The following PGM2L1 variants were observed in gnomAD, a reference collection of about 807,000 sequenced individuals.
PGM2L1 encodes the protein glucose 1,6-bisphosphate synthase.
A neutral mutation model predicts 73.4 loss-of-function variants in PGM2L1; 35 were observed. That is an observed-to-expected ratio of 0.48 (90% CI 0.36 to 0.63). The LOEUF is 0.63. Ranked by LOEUF, PGM2L1 falls within the 30% of genes least tolerant of loss-of-function variation. PGM2L1 has a pLI of 0.00. For synonymous variants in PGM2L1, 225 were observed against 253.8 expected (o/e 0.89, Z 1.08); for missense variants, 570 against 742.0 (o/e 0.77, Z 2.69).
In PGM2L1 at chr11:74,336,459, C is replaced by A. The variant is rs1591161705; in HGVS notation, c.*193G>T. 1 of 376,174 alleles carries A rather than the reference C, an allele frequency of 2.7e-6. No individual in the cohort carries two copies. Among genetic ancestry groups the A allele is most frequent in the Admixed American group, 4.2e-5 (1 of 23,572 alleles). 23.3% of individuals were successfully genotyped at this position (376,174 alleles called of 1,614,324 possible). A position where few individuals can be genotyped will look rare whatever the true frequency, so the allele number is the denominator to read the frequency against. On this transcript the variant is annotated 3_prime_UTR_variant, in exon 14 of 14. Coordinates refer to ENST00000298198, the MANE Select transcript of PGM2L1 (RefSeq NM_173582.6). ...ATTATGAAAAAATTTGAATCATTTC[C>A]CTCTAGACCATTTCATTTCAAACTT...
Position 74,346,767 on chromosome 11 carries a change from A to C in PGM2L1, c.1002T>G (p.Asp334Glu), listed in dbSNP as rs772571971. The C allele has an allele frequency of 7.8e-5, 126 of 1,614,026 alleles. No individual in the cohort carries two copies. The highest frequency in any genetic ancestry group is 9.7e-5 in the Non-Finnish European group (114 of 1,179,986). Residue 334 changes from aspartate (D) to glutamate (E), a missense_variant, in exon 8 of 14, where the codon GAT (aspartate) becomes GAG (glutamate). Asp to Glu is a conservative substitution (Grantham distance 45). Transcript: ENST00000298198. ...GTTCTGCTGCTGCCAGTCTGTCTGCATCAGGATCTGTGGCTAGCACTACCC... is the reference window on the plus strand; with the variant it reads ...GTTCTGCTGCTGCCAGTCTGTCTGCCTCAGGATCTGTGGCTAGCACTACCC... ...NARVVLATDP[D>E]ADRLAAAELQ... is the part of the protein sequence containing the mutation.
At chr11:74,364,017 T>C (rs1403342392) in intron 5 of PGM2L1, among the ~76,000 whole-genome samples, 1 of 152,158 alleles carries the variant, frequency 6.6e-6, no homozygotes, top group Non-Finnish European at 1.5e-5. Flanking sequence ...TTATCCACCA[T>C]GATCAAGTGG....
intron 1 of PGM2L1, among the ~76,000 whole-genome samples, chr11:74,383,751 T>C (rs1862980687): frequency 6.6e-6 from 1 of 150,604 alleles, no homozygotes; most frequent in Admixed American, 6.6e-5. Flanking sequence ...TCCAGCTCCA[T>C]CCATGTCCTT....
chr11:74,340,720 C>T (rs1862169767), intron 12 of PGM2L1, among the ~76,000 whole-genome samples: 1 of 152,144 alleles, frequency 6.6e-6, no homozygotes, highest in African/African-American at 2.4e-5. Context: ...AGGAACATGC[C>T]ATGTACAACA....
At chr11:74,355,038 G>A in intron 5 of PGM2L1, 1 of 1,316,454 alleles carries the variant, frequency 7.6e-7, no homozygotes, top group Non-Finnish European at 1.1e-6. Context: ...AGGTCGAAGT[G>A]GCTCTGGAAA....
intron 1 of PGM2L1, among the ~76,000 whole-genome samples, chr11:74,378,986 T>A (rs1436160221): frequency 6.6e-6 from 1 of 152,204 alleles, no homozygotes; most frequent in Non-Finnish European, 1.5e-5. Context: ...TAAATATAAA[T>A]GTCTATAAAA....
chr11:74,398,152 T>C lies in PGM2L1; in HGVS notation c.10A>G (p.Asn4Asp). The C allele has an allele frequency of 6.2e-7, 1 of 1,610,438 alleles. No homozygotes were observed. Among genetic ancestry groups the C allele is most frequent in the Non-Finnish European group, 8.5e-7 (1 of 1,177,918 alleles). Residue 4 changes from asparagine (N) to aspartate (D), a missense_variant, in exon 1 of 14, where the codon AAC (asparagine) becomes GAC (aspartate). By Grantham distance (23) the Asn-to-Asp change is conservative. Transcript: ENST00000298198. MAE[N>D]TEGDLNSNLL... ...TTGGAGTTCAGATCCCCCTCTGTGT[T>C]TTCAGCCATGGCGACCAGACAGGCG...
At chr11:74,353,361 TC>T (rs1862388524) in intron 5 of PGM2L1, among the ~76,000 whole-genome samples, 1 of 151,940 alleles carries the variant, frequency 6.6e-6, no homozygotes, top group Non-Finnish European at 1.5e-5. Flanking sequence ...TATTTATTGA[TC>T]ATTCTTGGGT....
At chr11:74,376,989 T>C (rs575792798) in intron 1 of PGM2L1, among the ~76,000 whole-genome samples, 168 of 152,142 alleles carry the variant, frequency 1.1e-3, no homozygotes, top group African/African-American at 3.8e-3. Flanking sequence ...TAAAAAACTA[T>C]CTATGCAGCC....
intron 6 of PGM2L1, among the ~76,000 whole-genome samples, chr11:74,347,757 T>A (rs1862291509): frequency 1.3e-5 from 2 of 152,248 alleles, no homozygotes; most frequent in Non-Finnish European, 2.9e-5. Context: ...TCAGTCTGGC[T>A]ACTTTGACCC....
intron 12 of PGM2L1, among the ~76,000 whole-genome samples, chr11:74,340,135 T>G (rs1235088657): frequency 6.6e-6 from 1 of 152,194 alleles, no homozygotes; most frequent in Non-Finnish European, 1.5e-5. Flanking sequence ...TCAATTAATC[T>G]GAAACATGGA....
chr11:74,367,847 C>T (rs1187518425), intron 5 of PGM2L1, among the ~76,000 whole-genome samples: 14 of 152,168 alleles, frequency 9.2e-5, no homozygotes, highest in Non-Finnish European at 7.3e-5. Flanking sequence ...ACTTAGCTGA[C>T]CAGGGCCAAA....
chr11:74,338,734 G>C, intron 12 of PGM2L1, 133 bp from the exon 13 acceptor site: 1 of 1,140,208 alleles, frequency 8.8e-7, no homozygotes, highest in Non-Finnish European at 1.2e-6. Flanking sequence ...ATAGAAATTA[G>C]AATGGCAGTT....
chr11:74,338,829 G>T (rs1018931896), intron 12 of PGM2L1, among the ~76,000 whole-genome samples: 1 of 152,028 alleles, frequency 6.6e-6, no homozygotes, highest in Non-Finnish European at 1.5e-5. Context: ...GAGCTCTGTC[G>T]CACAACAATA....
At chr11:74,370,424 TG>T (rs1291755451) in intron 4 of PGM2L1, among the ~76,000 whole-genome samples, 12 of 152,238 alleles carry the variant, frequency 7.9e-5, no homozygotes, top group Admixed American at 7.8e-4. Context: ...GGAAGATTTA[TG>T]GGCTTTTTTA....
chr11:74,353,249 T>C (rs371358609), intron 5 of PGM2L1, among the ~76,000 whole-genome samples: 16 of 150,978 alleles, frequency 1.1e-4, no homozygotes, highest in African/African-American at 3.7e-4. Flanking sequence ...AATATCTTTG[T>C]AGTGTTTGGA....
At chr11:74,347,511 T>G (rs1163284229) in intron 6 of PGM2L1, among the ~76,000 whole-genome samples, 174 bp from the exon 7 acceptor site, 1 of 152,198 alleles carries the variant, frequency 6.6e-6, no homozygotes, top group African/African-American at 2.4e-5. Flanking sequence ...ATCAAGAGTT[T>G]TAATTCAACA....
Position 74,343,769 on chromosome 11 carries a change from CTTTTTTTTTTT to C in PGM2L1, c.1219-364_1219-354del, listed in dbSNP as rs56938172. Among the ~76,000 whole-genome samples the C allele has an allele frequency of 2.0e-3, 162 of 79,166 alleles. 2 individuals are homozygous for C. Among genetic ancestry groups the C allele is most frequent in the African/African-American group, 7.9e-3 (153 of 19,434 alleles). 51.9% of individuals were successfully genotyped at this position (79,166 alleles called of 152,430 possible). A position where few individuals can be genotyped will look rare whatever the true frequency, so the allele number is the denominator to read the frequency against. On this transcript the variant is annotated intron_variant, in intron 9 of 13. Coordinates refer to ENST00000298198, the MANE Select transcript of PGM2L1 (RefSeq NM_173582.6). ...GACTGAACCAGGTGCTTTACATTAT[CTTTTTTTTTTT>C]TTTTTTTTTTTTTTTTGAGACGGAG...
rs1862097311 is a variant in PGM2L1, at chr11:74,336,492, G to C, written c.*160C>G. 1 of 420,222 alleles carries C rather than the reference G, an allele frequency of 2.4e-6. No individual in the cohort carries two copies. The highest frequency in any genetic ancestry group is 2.0e-5 in the African/African-American group (1 of 48,926). 26.0% of individuals were successfully genotyped at this position (420,222 alleles called of 1,614,324 possible). A position where few individuals can be genotyped will look rare whatever the true frequency, so the allele number is the denominator to read the frequency against. On this transcript the variant is annotated 3_prime_UTR_variant, in exon 14 of 14. Coordinates refer to ENST00000298198, the MANE Select transcript of PGM2L1 (RefSeq NM_173582.6). ...CCATTTCATTTCAAACTTATACTTT[G>C]TTTAGTCTAGCCAGTTGACCAAAAA...
Sources: allele counts gnomAD v4.1 joint callset (sites outside exome capture counted in the v4.1 genomes callset), GRCh38; gene constraint gnomAD v4.1.1; transcripts MANE v1.5; gene names NCBI Gene and HGNC (gene_info 2026-07-23, HGNC 2026-07-21).